The following AMPH variants were observed in gnomAD, a reference collection of about 807,000 sequenced individuals.
AMPH encodes the protein amphiphysin (Stiff-Mann syndrome with breast cancer 128kD autoantigen).
AMPH carries 49 observed loss-of-function variants against 99.1 expected under a neutral mutation model. The ratio of observed to expected loss-of-function variants is 0.49; its 90% CI spans 0.39 to 0.63. The LOEUF (loss-of-function observed/expected upper bound fraction) is 0.63. AMPH is among the 20% of genes least tolerant of loss of function. The pLI, the probability that AMPH is intolerant of heterozygous loss-of-function variation, is 0.00. For missense variants in AMPH, 759 were observed against 863.4 expected (o/e 0.88, Z 1.52); for synonymous variants, 314 against 317.3 (o/e 0.99, Z 0.11).
At position 38,466,242 on chromosome 7, in the gene AMPH, A is replaced by C; in HGVS notation, c.597T>G (p.Val199=). ...TTTTGAAAGTATTAACATAAAATCC[A>C]ACTCGTCTGCCATGTGGAAACACAA... ...EELPSLWSRR[V]GFYVNTFKNV... The change falls in exon 8 of 21, where the codon GTT becomes GTG. Residue 199 remains valine, a synonymous_variant. Transcript: ENST00000356264. 6.3e-7 allele frequency: 1 copy of C among 1,591,068 alleles called. No homozygotes were observed. The highest frequency in any genetic ancestry group is 8.5e-7 in the Non-Finnish European group (1 of 1,173,358).
At chr7:38,473,867 A>C (rs1787987341) in intron 7 of AMPH, among the ~76,000 whole-genome samples, 1 of 152,130 alleles carries the variant, frequency 6.6e-6, no homozygotes, top group African/African-American at 2.4e-5. Flanking sequence ...CAAATCATAA[A>C]TAGATATTTG....
intron 1 of AMPH, among the ~76,000 whole-genome samples, chr7:38,610,248 A>G (rs55859437): frequency 0.054 from 772 of 14,386 alleles, 152 homozygotes; most frequent in African/African-American, 0.079. Context: ...AAAAAAAAAA[A>G]AAAAAAAAAA....
At chr7:38,610,179 T>A (rs1793576075) in intron 1 of AMPH, among the ~76,000 whole-genome samples, 1 of 141,338 alleles carries the variant, frequency 7.1e-6, no homozygotes, top group Non-Finnish European at 1.5e-5. Flanking sequence ...GAGGTTGTAG[T>A]GAGCCAAAAT....
At chr7:38,470,218 T>C (rs1421725763) in intron 7 of AMPH, among the ~76,000 whole-genome samples, 1 of 152,202 alleles carries the variant, frequency 6.6e-6, no homozygotes, top group Non-Finnish European at 1.5e-5. Context: ...CAAAAGTTAT[T>C]TTTAGAAAGC....
chr7:38,580,291 G>A (rs920247885), intron 1 of AMPH, among the ~76,000 whole-genome samples: 10 of 152,068 alleles, frequency 6.6e-5, no homozygotes, highest in African/African-American at 2.4e-4. Context: ...AGAACAAAAG[G>A]CTCTGAATTC....
intron 1 of AMPH, among the ~76,000 whole-genome samples, chr7:38,550,729 T>A (rs938026730): frequency 3.3e-5 from 5 of 152,196 alleles, no homozygotes; most frequent in Admixed American, 6.5e-5. Context: ...CAATGTCTAT[T>A]TAAGCAGAGG....
chr7:38,549,244 C>A (rs1042069514), intron 1 of AMPH, among the ~76,000 whole-genome samples: 1 of 152,182 alleles, frequency 6.6e-6, no homozygotes, highest in Non-Finnish European at 1.5e-5. Flanking sequence ...AAAGTTTACA[C>A]AACATAGCTT....
At chr7:38,474,249 A>G (rs1239940458) in intron 7 of AMPH, among the ~76,000 whole-genome samples, 3 of 152,034 alleles carry the variant, frequency 2.0e-5, no homozygotes, top group African/African-American at 7.2e-5. Context: ...GCACCAAAAA[A>G]ATAAAATAAA....
At chr7:38,465,370 C>T in intron 9 of AMPH, 97 bp downstream of exon 9, 1 of 1,075,412 alleles carries the variant, frequency 9.3e-7, no homozygotes, top group Non-Finnish European at 1.3e-6. Context: ...TCCTGTGGGA[C>T]TTTTGTAGGA....
chr7:38,403,000 T>A (rs771264857), intron 17 of AMPH, among the ~76,000 whole-genome samples: 8 of 152,192 alleles, frequency 5.3e-5, no homozygotes, highest in Non-Finnish European at 2.9e-5. Flanking sequence ...CTTTTACACA[T>A]CCCAATGATA....
At position 38,456,313 on chromosome 7, in the gene AMPH, G is replaced by A. The variant is rs186757477; in HGVS notation, c.1017+4970C>T. Among the ~76,000 whole-genome samples the A allele has an allele frequency of 2.0e-5, 3 of 152,330 alleles. No homozygotes were observed. In the East Asian group the frequency reaches 5.8e-4, roughly 29 times the overall value. On this transcript the variant is annotated intron_variant, in intron 11 of 20. Transcript: ENST00000356264. ...TCCCTAATAGCAGGTCCGCAGGGCA[G>A]TGTGGTGCCTCCTACACCTGAACAT...
At chr7:38,491,618 A>G (rs1385200961) in intron 4 of AMPH, among the ~76,000 whole-genome samples, 1 of 152,232 alleles carries the variant, frequency 6.6e-6, no homozygotes, top group African/African-American at 2.4e-5. Context: ...TGGAGTATCA[A>G]TTATGTTAAA....
At chr7:38,414,573 A>T (rs1785310499) in intron 17 of AMPH, among the ~76,000 whole-genome samples, 1 of 152,212 alleles carries the variant, frequency 6.6e-6, no homozygotes. Context: ...AATTGTAACC[A>T]AATAATACAT....
intron 14 of AMPH, chr7:38,429,004 C>A (rs1179229743): frequency 1.6e-6 from 2 of 1,289,902 alleles, no homozygotes; most frequent in East Asian, 5.5e-5. Flanking sequence ...GCTTTCTCTT[C>A]AAATTCCTCT....
intron 15 of AMPH, among the ~76,000 whole-genome samples, chr7:38,426,714 T>A (rs1452210317): frequency 6.6e-6 from 1 of 152,214 alleles, no homozygotes; most frequent in Non-Finnish European, 1.5e-5. Context: ...AGGGAGAACT[T>A]AGTGTGTGCT....
intron 20 of AMPH, 128 bp downstream of exon 20, chr7:38,389,676 C>T (rs1784436618): frequency 2.6e-6 from 2 of 755,068 alleles, no homozygotes; most frequent in East Asian, 2.4e-5. Flanking sequence ...GTCACAAGCC[C>T]TTAAGCCCTT....
At chr7:38,549,181 A>G (rs2129045381) in intron 1 of AMPH, among the ~76,000 whole-genome samples, 1 of 152,334 alleles carries the variant, frequency 6.6e-6, no homozygotes, top group African/African-American at 2.4e-5. Context: ...TAGCTGCTGT[A>G]TCAAAAGGGC....
chr7:38,497,055 GT>G (rs1788958295), intron 3 of AMPH, among the ~76,000 whole-genome samples: 1 of 152,160 alleles, frequency 6.6e-6, no homozygotes, highest in South Asian at 2.1e-4. Flanking sequence ...TGGATAAGTG[GT>G]GATGGATCAT....
intron 5 of AMPH, 91 bp from the exon 6 acceptor site, chr7:38,477,060 G>A: frequency 9.4e-7 from 1 of 1,058,746 alleles, no homozygotes; most frequent in Non-Finnish European, 1.4e-6. Context: ...TCCTTGGCCA[G>A]AGCTGCTGAG....
Sources: allele counts gnomAD v4.1 joint callset (sites outside exome capture counted in the v4.1 genomes callset), GRCh38; gene constraint gnomAD v4.1.1; transcripts MANE v1.5; gene names NCBI Gene and HGNC (gene_info 2026-07-23, HGNC 2026-07-21).